Variants in ATP11B observed in about 807,000 individuals in gnomAD.
ATP11B encodes ATPase phospholipid transporting 11B (putative).
In ATP11B, 81 loss-of-function variants were observed where a neutral mutation model predicts 157.8. The ratio of observed to expected loss-of-function variants is 0.51; its 90% CI spans 0.43 to 0.62. The LOEUF (loss-of-function observed/expected upper bound fraction) is 0.62. ATP11B is among the 20% of genes least tolerant of loss of function. The pLI, the probability that ATP11B is intolerant of heterozygous loss-of-function variation, is 0.00. For missense variants in ATP11B, 1,165 were observed against 1,402.2 expected (o/e 0.83, Z 2.70); for synonymous variants, 451 against 469.4 (o/e 0.96, Z 0.51).
At chr3:182,825,890 G>A (rs899165977) in intron 2 of ATP11B, among the ~76,000 whole-genome samples, 3 of 152,070 alleles carry the variant, frequency 2.0e-5, no homozygotes, top group Admixed American at 2.0e-4. Flanking sequence ...GACAGAGTGA[G>A]ACTGTCTCAA....
At chr3:182,811,011 A>C (rs1477534824) in intron 1 of ATP11B, among the ~76,000 whole-genome samples, 3 of 152,220 alleles carry the variant, frequency 2.0e-5, no homozygotes, top group Non-Finnish European at 1.5e-5. Flanking sequence ...CATATGAAGG[A>C]AAAATAAATG....
At chr3:182,880,490 T>G (rs962795256) in intron 20 of ATP11B, among the ~76,000 whole-genome samples, 29 of 152,122 alleles carry the variant, frequency 1.9e-4, no homozygotes, top group African/African-American at 6.5e-4. Flanking sequence ...TCTTAAAATT[T>G]TACTACAAGA....
rs144878833 is a variant in ATP11B at position 182,906,862 on chromosome 3, G to C, written c.3319-6999G>C. 2.7e-3 allele frequency among the ~76,000 whole-genome samples: 411 copies of C among 151,978 alleles called. 5 individuals carry two copies. The highest frequency in any genetic ancestry group is 9.5e-3 in the African/African-American group (395 of 41,518). On this transcript the variant is annotated intron_variant, in intron 28 of 29. Coordinates refer to ENST00000323116, the MANE Select transcript of ATP11B (RefSeq NM_014616.3). Reference sequence around the variant, plus strand: ...CCAGCACTTTGGGAGGCTGAGGCGGGTGGATCATGAGGTCAGGAGACCGAG... The same window carrying C: ...CCAGCACTTTGGGAGGCTGAGGCGGCTGGATCATGAGGTCAGGAGACCGAG...
chr3:182,916,825 C>G (rs975342901), intron 29 of ATP11B: 1 of 984,968 alleles, frequency 1.0e-6, no homozygotes, highest in Admixed American at 6.1e-5. Flanking sequence ...AATTGGACAT[C>G]TGACTCCGGA....
chr3:182,915,562 A>G (rs970330886), intron 29 of ATP11B: 28 of 980,050 alleles, frequency 2.9e-5, no homozygotes, highest in Non-Finnish European at 3.2e-5. Context: ...AATTTTTTCA[A>G]CTTCTCCTTC....
intron 10 of ATP11B, among the ~76,000 whole-genome samples, chr3:182,856,891 G>A (rs1173012657): frequency 6.6e-6 from 1 of 152,086 alleles, no homozygotes; most frequent in African/African-American, 2.4e-5. Context: ...AATATTTGTT[G>A]GATGTGAGAG....
chr3:182,870,536 C>T (rs1275624010), intron 17 of ATP11B, among the ~76,000 whole-genome samples: 2 of 152,130 alleles, frequency 1.3e-5, no homozygotes, highest in Non-Finnish European at 2.9e-5. Flanking sequence ...ATAATGCTGG[C>T]ACATAGTTTG....
chr3:182,907,855 C>T (rs1289188931), intron 28 of ATP11B, among the ~76,000 whole-genome samples: 1 of 152,118 alleles, frequency 6.6e-6, no homozygotes, highest in Non-Finnish European at 1.5e-5. Context: ...TTAATATGTC[C>T]ATTAAATGTA....
intron 18 of ATP11B, among the ~76,000 whole-genome samples, chr3:182,873,009 T>C (rs549398643): frequency 6.6e-6 from 1 of 152,236 alleles, no homozygotes; most frequent in Non-Finnish European, 1.5e-5. Context: ...AGCTTAGATA[T>C]TAGCTCCAGT....
chr3:182,829,428 C>T (rs1456810049), intron 3 of ATP11B, among the ~76,000 whole-genome samples: 1 of 152,114 alleles, frequency 6.6e-6, no homozygotes, highest in African/African-American at 2.4e-5. Flanking sequence ...AGCTGTAGTT[C>T]CACTCCTTGG....
At chr3:182,884,292 C>T (rs893125196) in intron 21 of ATP11B, among the ~76,000 whole-genome samples, 1 of 151,994 alleles carries the variant, frequency 6.6e-6, no homozygotes, top group Non-Finnish European at 1.5e-5. Flanking sequence ...AAAAAGTGCA[C>T]TTTGACTTAT....
chr3:182,876,439 G>A (rs762865077), intron 19 of ATP11B, among the ~76,000 whole-genome samples: 14 of 152,126 alleles, frequency 9.2e-5, no homozygotes, highest in South Asian at 2.1e-4. Flanking sequence ...ATTATAAAAC[G>A]TAGAGTACAC....
At position 182,848,478 on chromosome 3, in the gene ATP11B, G is replaced by A; in HGVS notation, c.772G>A (p.Val258Ile). The A allele has an allele frequency of 6.6e-7, 1 of 1,520,340 alleles. No individual in the cohort carries two copies. Among genetic ancestry groups the A allele is most frequent in the East Asian group, 2.4e-5 (1 of 41,132 alleles). The allele number at this position is 1,520,340 out of a possible 1,614,324, so 94.2% of individuals were successfully genotyped here. The change falls in exon 10 of 30, where the codon GTT (valine) becomes ATT (isoleucine). Residue 258 changes from valine to isoleucine, a missense_variant and splice_region_variant. Transcript: ENST00000323116. The part of the protein sequence containing the change: ...RLKNTKEIFG[V>I]AVYTGMETKM... ...GACAATTTTGTTTTATTTTACAGGT[G>A]TTGCGGTATACACTGGAATGGAAAC...
intron 7 of ATP11B, among the ~76,000 whole-genome samples, chr3:182,840,302 T>C (rs559039319): frequency 9.0e-4 from 137 of 152,284 alleles, no homozygotes; most frequent in African/African-American, 3.2e-3. Flanking sequence ...TGCTAGTTTT[T>C]CCTCTTGTCC....
intron 10 of ATP11B, among the ~76,000 whole-genome samples, chr3:182,849,765 T>A (rs958107146): frequency 6.6e-6 from 1 of 152,068 alleles, no homozygotes; most frequent in Admixed American, 6.5e-5. Flanking sequence ...TGGGATAATA[T>A]TAAGCTGTTT....
At chr3:182,915,793 A>G in intron 29 of ATP11B, 1 of 983,982 alleles carries the variant, frequency 1.0e-6, no homozygotes, top group Non-Finnish European at 1.2e-6. Context: ...TTACTTTTAC[A>G]TGTTCTCTTG....
At chr3:182,802,614 C>A (rs1395559302) in intron 1 of ATP11B, among the ~76,000 whole-genome samples, 2 of 152,140 alleles carry the variant, frequency 1.3e-5, no homozygotes, top group Non-Finnish European at 2.9e-5. Flanking sequence ...TCGCTCCTTT[C>A]AAGTCTTTAT....
At chr3:182,886,741 A>G (rs1328219660) in intron 23 of ATP11B, among the ~76,000 whole-genome samples, 1 of 152,164 alleles carries the variant, frequency 6.6e-6, no homozygotes, top group Non-Finnish European at 1.5e-5. Flanking sequence ...CATACTATAC[A>G]TCTCAAATTG....
At chr3:182,837,292 T>C in intron 7 of ATP11B, 118 bp downstream of exon 7, 2 of 690,438 alleles carry the variant, frequency 2.9e-6, no homozygotes, top group Non-Finnish European at 4.6e-6. Flanking sequence ...GTGGGGTGGG[T>C]TGGTGGGAGA....
Sources: allele counts gnomAD v4.1 joint callset (sites outside exome capture counted in the v4.1 genomes callset), GRCh38; gene constraint gnomAD v4.1.1; transcripts MANE v1.5; gene names NCBI Gene and HGNC (gene_info 2026-07-23, HGNC 2026-07-21).